The following ACTRT1 variants were observed in gnomAD, a reference collection of about 807,000 sequenced individuals.
ACTRT1 encodes actin related protein T1.
Under a neutral mutation model 1.4 loss-of-function variants are expected in ACTRT1, and 1 was observed. That is an observed-to-expected ratio of 0.69 (90% CI 0.25 to 3.28). The LOEUF (loss-of-function observed/expected upper bound fraction) is 3.28. Among genes scored for constraint, ACTRT1 ranks in the 30% most tolerant of loss-of-function variants. The pLI, the probability that ACTRT1 is intolerant of heterozygous loss-of-function variation, is 0.20. For synonymous variants in ACTRT1, 121 were observed against 115.2 expected (o/e 1.05, Z -0.32); for missense variants, 334 against 291.5 (o/e 1.15, Z -1.06).
chrX:128,051,888 G>C lies in ACTRT1; in HGVS notation c.319C>G (p.Leu107Val). Residue 107 changes from leucine to valine, a missense_variant, in exon 1 of 1, where the codon CTT becomes GTT. By Grantham distance (32) the Leu-to-Val change is conservative. Coordinates refer to ENST00000371124, the MANE Select transcript of ACTRT1 (RefSeq NM_138289.4). ...GGATTCAAAGAGGGCTCGGTCATAAGTACAGGCTGTTGGCTGGGTTTTACT... is the reference window on the plus strand; with the variant it reads ...GGATTCAAAGAGGGCTCGGTCATAACTACAGGCTGTTGGCTGGGTTTTACT... ...LGVKPSQQPV[L>V]MTEPSLNPRE... is the part of the protein sequence containing the mutation. The C allele has an allele frequency of 8.3e-7, 1 of 1,211,743 alleles. No individual in the cohort carries two copies. The highest frequency in any genetic ancestry group is 1.1e-6 in the Non-Finnish European group (1 of 895,499).
Position 128,052,318 on chromosome X carries a change from C to G in ACTRT1, c.-112G>C. ...TTTAAACTTCAGGGTTCTGAAGTTT[C>G]AAGTTGTCACCCATGTACAGCTAGT... is the stretch of plus-strand genomic sequence containing the variant. On this transcript the variant is annotated 5_prime_UTR_variant, in exon 1 of 1. Transcript: ENST00000371124. 1.2e-6 allele frequency: 1 copy of G among 863,981 alleles called. No homozygotes were observed. The highest frequency in any genetic ancestry group is 1.6e-6 in the Non-Finnish European group (1 of 619,531). 71.2% of individuals were successfully genotyped at this position (863,981 alleles called of 1,213,427 possible). A position where few individuals can be genotyped will look rare whatever the true frequency, so the allele number is the denominator to read the frequency against.
At position 128,051,534 on chromosome X, in the gene ACTRT1, C is replaced by T; in HGVS notation, c.673G>A (p.Glu225Lys). ...IKEKLCYIAL[E>K]PEKELRKSRG... ...CTCTTGCGTAGCTCTTTCTCTGGCT[C>T]CAAGGCGATGTAGCACAACTTCTCT... Residue 225 changes from glutamate (E) to lysine (K), a missense_variant, in exon 1 of 1, where the codon GAG becomes AAG. Transcript: ENST00000371124. 3 of 1,211,069 alleles carry T rather than the reference C, an allele frequency of 2.5e-6. No homozygotes were observed. Among genetic ancestry groups the T allele is most frequent in the Non-Finnish European group, 3.4e-6 (3 of 895,411 alleles).
In ACTRT1 at chrX:128,051,489, C is replaced by T. The variant is rs1489609921; in HGVS notation, c.718G>A (p.Ala240Thr). 1.4e-5 allele frequency: 17 copies of T among 1,208,581 alleles called. No homozygotes were observed. The highest frequency in any genetic ancestry group is 1.9e-5 in the Non-Finnish European group (17 of 894,957). The change falls in exon 1 of 1, where the codon GCA becomes ACA. Residue 240 changes from alanine to threonine, a missense_variant. Ala to Thr is a moderately conservative substitution (Grantham distance 58). Coordinates refer to ENST00000371124, the MANE Select transcript of ACTRT1 (RefSeq NM_138289.4). ...ACATGTCCATCTGGCAGTCTGTATGCTCCCAGGACCTCTCCCCGGCTCTTG... is the reference window on the plus strand; with the variant it reads ...ACATGTCCATCTGGCAGTCTGTATGTTCCCAGGACCTCTCCCCGGCTCTTG... ...LRKSRGEVLG[A>T]YRLPDGHVIH...
In ACTRT1 at chrX:128,051,089, C is replaced by T. The variant is rs1482949163; in HGVS notation, c.1118G>A (p.Arg373Lys). The T allele has an allele frequency of 1.2e-5, 14 of 1,205,211 alleles. No homozygotes were observed. In the South Asian group the frequency reaches 2.5e-4, roughly 21 times the overall value. The change falls in exon 1 of 1, where the codon AGA becomes AAA. Residue 373 changes from arginine to lysine, a missense_variant. Physicochemically the swap from Arg to Lys is conservative, Grantham distance 26. Coordinates refer to ENST00000371124, the MANE Select transcript of ACTRT1 (RefSeq NM_138289.4). ...GCTCAAGGATCTTTAAAAGCACCTT[C>T]TTTGAACCACAGATGTCCCATACTC... ...FKEYGTSVVQ[R>K]RCF
In ACTRT1 at chrX:128,052,195, T is replaced by C. The variant is rs767357963; in HGVS notation, c.12A>G (p.Pro4=). MFN[P]HALDVPAVIF... is the part of the protein sequence containing the mutation. ...TTACAGCAGGAACATCTAATGCATG[T>C]GGATTAAACATGTCTGTAATATGTT... Residue 4 remains proline (P), a synonymous_variant, in exon 1 of 1, where the codon CCA becomes CCG. Coordinates refer to ENST00000371124, the MANE Select transcript of ACTRT1 (RefSeq NM_138289.4). The C allele has an allele frequency of 8.4e-7, 1 of 1,193,772 alleles. No homozygotes were observed. The highest frequency in any genetic ancestry group is 1.1e-6 in the Non-Finnish European group (1 of 886,746).
In ACTRT1 at chrX:128,052,025, G is replaced by A. The variant is rs1443344689; in HGVS notation, c.182C>T (p.Ala61Val). 1 of 1,211,409 alleles carries A rather than the reference G, an allele frequency of 8.3e-7. No individual in the cohort carries two copies. The highest frequency in any genetic ancestry group is 1.8e-5 in the South Asian group (1 of 56,953). Residue 61 changes from alanine (A) to valine (V), a missense_variant, in exon 1 of 1, where the codon GCC becomes GTC. Ala to Val is a moderately conservative substitution (Grantham distance 64). Transcript: ENST00000371124. ...LNQKYFVGQE[A>V]LYKYEALHLH... is the part of the protein sequence containing the mutation. ...ATGTAGGGCCTCATACTTGTACAGG[G>A]CTTCTTGCCCCACGAAGTACTTCTG...
In ACTRT1 at chrX:128,051,202, A is replaced by G. The variant is rs1927754424; in HGVS notation, c.1005T>C (p.Asp335=). The G allele has an allele frequency of 6.6e-6, 8 of 1,210,975 alleles. No individual in the cohort carries two copies. The East Asian group carries it at 2.4e-4, about 36-fold the overall frequency. ...CACCAATCCATGCAGAGAAGCATCTATCAGGAGAAGCTGTGATCTTGATGG... is the reference window on the plus strand; with the variant it reads ...CACCAATCCATGCAGAGAAGCATCTGTCAGGAGAAGCTGTGATCTTGATGG... The part of the protein sequence containing the change: ...GTPIKITASP[D]RCFSAWIGAS... Residue 335 remains aspartate (D), a synonymous_variant, in exon 1 of 1, where the codon GAT becomes GAC. Coordinates refer to ENST00000371124, the MANE Select transcript of ACTRT1 (RefSeq NM_138289.4).
rs761016539 is a variant in ACTRT1, at chrX:128,052,336, C to A, written c.-130G>T. On this transcript the variant is annotated 5_prime_UTR_variant, in exon 1 of 1. Coordinates refer to ENST00000371124, the MANE Select transcript of ACTRT1 (RefSeq NM_138289.4). ...GAAGTTTCAAGTTGTCACCCATGTA[C>A]AGCTAGTAGGCTACCTTCAGTCCAC... is the stretch of plus-strand genomic sequence containing the variant. 4.2e-5 allele frequency: 29 copies of A among 688,612 alleles called. No individual in the cohort carries two copies. In the Admixed American group the frequency reaches 5.5e-4, roughly 13 times the overall value. The allele number at this position is 688,612 out of a possible 1,213,427, so 56.7% of individuals were successfully genotyped here.
Position 128,052,371 on chromosome X carries a change from C to G in ACTRT1, c.-165G>C. On this transcript the variant is annotated 5_prime_UTR_variant, in exon 1 of 1. Coordinates refer to ENST00000371124, the MANE Select transcript of ACTRT1 (RefSeq NM_138289.4). ...GCTACCTTCAGTCCACCAGGACACC[C>G]CATCCTCAACCTCTGAATCTTATCT... is the stretch of plus-strand genomic sequence containing the variant. The G allele has an allele frequency of 2.2e-6, 1 of 464,895 alleles. No individual in the cohort carries two copies. The highest frequency in any genetic ancestry group is 3.8e-5 in the East Asian group (1 of 26,607). 38.3% of individuals were successfully genotyped at this position (464,895 alleles called of 1,213,427 possible).
chrX:128,051,275 T>A lies in ACTRT1; in HGVS notation c.932A>T (p.Glu311Val). 1 of 1,210,798 alleles carries A rather than the reference T, an allele frequency of 8.3e-7. No individual in the cohort carries two copies. Reference sequence around the variant, plus strand: ...TTCCACTTCCTTCATGAGCCTTTCCTCCAGCCCAGGGAGGAGAGTGGTGCC... The same window carrying A: ...TTCCACTTCCTTCATGAGCCTTTCCACCAGCCCAGGGAGGAGAGTGGTGCC... ...SGGTTLLPGL[E>V]ERLMKEVEQL... Residue 311 changes from glutamate (E) to valine (V), a missense_variant, in exon 1 of 1, where the codon GAG becomes GTG. By Grantham distance (121) the Glu-to-Val change is moderately radical (BLOSUM62 -2). Coordinates refer to ENST00000371124, the MANE Select transcript of ACTRT1 (RefSeq NM_138289.4).
chrX:128,051,090 T>C lies in ACTRT1; in HGVS notation c.1117A>G (p.Arg373Gly). 1 of 1,207,937 alleles carries C rather than the reference T, an allele frequency of 8.3e-7. No homozygotes were observed. Among genetic ancestry groups the C allele is most frequent in the Non-Finnish European group, 1.1e-6 (1 of 893,212 alleles). Residue 373 changes from arginine (R) to glycine (G), a missense_variant, in exon 1 of 1, where the codon AGA becomes GGA. Coordinates refer to ENST00000371124, the MANE Select transcript of ACTRT1 (RefSeq NM_138289.4). ...FKEYGTSVVQ[R>G]RCF ...CTCAAGGATCTTTAAAAGCACCTTC[T>C]TTGAACCACAGATGTCCCATACTCC...
rs141475882 is a variant in ACTRT1, at chrX:128,051,320, G to A, written c.887C>T (p.Ala296Val). Residue 296 changes from alanine (A) to valine (V), a missense_variant, in exon 1 of 1, where the codon GCA becomes GTA. Ala to Val is a moderately conservative substitution (Grantham distance 64). Transcript: ENST00000371124. ...CDTDIQNKLY[A>V]DIVLSGGTTL... ...GGTGCCCCCGGAGAGTACAATGTCT[G>A]CATAAAGTTTATTCTGGATGTCAGT... 9.9e-5 allele frequency: 119 copies of A among 1,207,822 alleles called. No individual in the cohort carries two copies. The highest frequency in any genetic ancestry group is 1.3e-4 in the Non-Finnish European group (116 of 894,817).
Position 128,051,285 on chromosome X carries a change from G to A in ACTRT1, c.922C>T (p.Pro308Ser). 1 of 1,210,831 alleles carries A rather than the reference G, an allele frequency of 8.3e-7. No individual in the cohort carries two copies. Among genetic ancestry groups the A allele is most frequent in the East Asian group, 3.0e-5 (1 of 33,690 alleles). Residue 308 changes from proline (P) to serine (S), a missense_variant, in exon 1 of 1, where the codon CCT (proline) becomes TCT (serine). Physicochemically the swap from Pro to Ser is moderately conservative, Grantham distance 74 (BLOSUM62 -1). Coordinates refer to ENST00000371124, the MANE Select transcript of ACTRT1 (RefSeq NM_138289.4). ...IVLSGGTTLL[P>S]GLEERLMKEV... Reference sequence around the variant, plus strand: ...TTCATGAGCCTTTCCTCCAGCCCAGGGAGGAGAGTGGTGCCCCCGGAGAGT... The same window carrying A: ...TTCATGAGCCTTTCCTCCAGCCCAGAGAGGAGAGTGGTGCCCCCGGAGAGT...
At position 128,051,252 on chromosome X, in the gene ACTRT1, C is replaced by T; in HGVS notation, c.955G>A (p.Glu319Lys). 8.3e-7 allele frequency: 1 copy of T among 1,210,802 alleles called. No homozygotes were observed. Among genetic ancestry groups the T allele is most frequent in the Non-Finnish European group, 1.1e-6 (1 of 895,348 alleles). The part of the protein sequence containing the change: ...GLEERLMKEV[E>K]QLASKGTPIK... ...GGAGTACCTTTGGAAGCCAGCTGTT[C>T]CACTTCCTTCATGAGCCTTTCCTCC... The change falls in exon 1 of 1, where the codon GAA (glutamate) becomes AAA (lysine). Residue 319 changes from glutamate to lysine, a missense_variant. Transcript: ENST00000371124.
In ACTRT1 at chrX:128,052,266, C is replaced by T. The variant is rs936924955; in HGVS notation, c.-60G>A. ...AAAGAAAGAACACTTACGTCACTCT[C>T]TGAGATGACAGGCACCTTTAGAATT... is the stretch of plus-strand genomic sequence containing the variant. On this transcript the variant is annotated 5_prime_UTR_variant, in exon 1 of 1. Coordinates refer to ENST00000371124, the MANE Select transcript of ACTRT1 (RefSeq NM_138289.4). 4 of 1,106,049 alleles carry T rather than the reference C, an allele frequency of 3.6e-6. 1 individual carries two copies. The highest frequency in any genetic ancestry group is 6.1e-5 in the East Asian group (2 of 33,052). 91.2% of individuals were successfully genotyped at this position (1,106,049 alleles called of 1,213,427 possible).
chrX:128,052,213 A>G lies in ACTRT1; in HGVS notation c.-7T>C. ...ATGCATGTGGATTAAACATGTCTGT[A>G]ATATGTTCTCCTGGACTTCCCCCAA... On this transcript the variant is annotated 5_prime_UTR_variant, in exon 1 of 1. Transcript: ENST00000371124. The G allele has an allele frequency of 8.5e-7, 1 of 1,172,772 alleles. No individual in the cohort carries two copies. Among genetic ancestry groups the G allele is most frequent in the Non-Finnish European group, 1.1e-6 (1 of 875,358 alleles).
In ACTRT1 at chrX:128,051,925, C is replaced by G. The variant is rs776102978; in HGVS notation, c.282G>C (p.Glu94Asp). Reference protein sequence around the residue: ...DMEKLWKHLFERELGVKPSQQ... With the variant: ...DMEKLWKHLFDRELGVKPSQQ... ...GGCTGGGTTTTACTCCAAGCTCCCG[C>G]TCAAAGAGATGTTTCCAGAGTTTCT... The change falls in exon 1 of 1, where the codon GAG becomes GAC. Residue 94 changes from glutamate to aspartate, a missense_variant. Coordinates refer to ENST00000371124, the MANE Select transcript of ACTRT1 (RefSeq NM_138289.4). 7.4e-6 allele frequency: 9 copies of G among 1,211,945 alleles called. No homozygotes were observed. In the South Asian group the frequency reaches 1.6e-4, roughly 21 times the overall value.
rs755431484 is a variant in ACTRT1 at position 128,051,541 on chromosome X, G to A, written c.666C>T (p.Ile222=). The change falls in exon 1 of 1, where the codon ATC becomes ATT. Residue 222 remains isoleucine, a synonymous_variant. Coordinates refer to ENST00000371124, the MANE Select transcript of ACTRT1 (RefSeq NM_138289.4). The part of the protein sequence containing the change: ...VNNIKEKLCY[I]ALEPEKELRK... ...GTAGCTCTTTCTCTGGCTCCAAGGCGATGTAGCACAACTTCTCTTTGATGT... is the reference window on the plus strand; with the variant it reads ...GTAGCTCTTTCTCTGGCTCCAAGGCAATGTAGCACAACTTCTCTTTGATGT... The A allele has an allele frequency of 1.1e-4, 135 of 1,208,786 alleles. No homozygotes were observed. Among genetic ancestry groups the A allele is most frequent in the Non-Finnish European group, 1.4e-4 (125 of 895,003 alleles).
Position 128,051,622 on chromosome X carries a change from G to A in ACTRT1, c.585C>T (p.Leu195=). The part of the protein sequence containing the change: ...GRDITEHLTR[L]LFASGFNFPC... ...GGAAGTTAAACCCGCTAGCAAAGAG[G>A]AGCCGGGTGAGGTGCTCTGTGATGT... Residue 195 remains leucine (L), a synonymous_variant, in exon 1 of 1, where the codon CTC becomes CTT. Coordinates refer to ENST00000371124, the MANE Select transcript of ACTRT1 (RefSeq NM_138289.4). The A allele has an allele frequency of 8.3e-7, 1 of 1,211,021 alleles. No individual in the cohort carries two copies. The highest frequency in any genetic ancestry group is 1.7e-5 in the African/African-American group (1 of 57,621).
Sources: gnomAD v4.1 joint callset for allele counts on GRCh38, gnomAD v4.1.1 for gene constraint, MANE v1.5 for transcripts, NCBI Gene and HGNC (gene_info 2026-07-23, HGNC 2026-07-21) for gene names.